The following SBF2 variants were observed in gnomAD, a reference collection of about 807,000 sequenced individuals.
The protein encoded by SBF2 is SET binding factor 2.
Under a neutral mutation model 225.2 loss-of-function variants are expected in SBF2, and 112 were observed. The observed-to-expected ratio is 0.50, with a 90% CI of 0.43 to 0.58. The LOEUF is 0.58. SBF2 is among the 20% of genes least tolerant of loss of function. The pLI, the probability that SBF2 is intolerant of heterozygous loss-of-function variation, is 0.00. For synonymous variants in SBF2, 763 were observed against 773.3 expected (o/e 0.99, Z 0.22); for missense variants, 1,996 against 2,206.2 (o/e 0.90, Z 1.91).
At chr11:10,054,895 GTTTTT>G (rs71904271) in intron 2 of SBF2, among the ~76,000 whole-genome samples, 1 of 149,884 alleles carries the variant, frequency 6.7e-6, no homozygotes, top group African/African-American at 2.5e-5. Context: ...TTGTTTGCAT[GTTTTT>G]TTTTTGTTTT....
intron 1 of SBF2, among the ~76,000 whole-genome samples, chr11:10,202,997 A>G (rs937487252): frequency 8.3e-5 from 12 of 144,896 alleles, no homozygotes; most frequent in Non-Finnish European, 1.8e-4. Context: ...TAATTGCCCC[A>G]GCTTACTTCT....
At chr11:10,212,572 CATT>C (rs1957975929) in intron 1 of SBF2, among the ~76,000 whole-genome samples, 1 of 152,182 alleles carries the variant, frequency 6.6e-6, no homozygotes, top group Non-Finnish European at 1.5e-5. Context: ...AGGTATTAGA[CATT>C]ATGGAGACCT....
At chr11:9,874,059 CA>C (rs11353618) in intron 17 of SBF2, among the ~76,000 whole-genome samples, 149,764 of 149,936 alleles carry the variant, frequency 1, 74,796 homozygotes, top group Middle Eastern at 1. Context: ...GACTTTGTCT[CA>C]AAAAAAAAAA....
chr11:10,218,490 C>A (rs1245168827), intron 1 of SBF2, among the ~76,000 whole-genome samples: 1 of 152,094 alleles, frequency 6.6e-6, no homozygotes, highest in East Asian at 1.9e-4. Context: ...CTCAACCAAT[C>A]ATGCCTTCCC....
chr11:9,890,624 G>A (rs530934206), intron 17 of SBF2, among the ~76,000 whole-genome samples: 1 of 152,200 alleles, frequency 6.6e-6, no homozygotes, highest in South Asian at 2.1e-4. Flanking sequence ...TTCCTCCCAG[G>A]GTAAACACAG....
chr11:9,982,168 T>C (rs1476126615), intron 13 of SBF2, among the ~76,000 whole-genome samples: 2 of 152,234 alleles, frequency 1.3e-5, no homozygotes, highest in African/African-American at 4.8e-5. Context: ...TTTGCTTTTT[T>C]TCTTTCAGCT....
intron 33 of SBF2, among the ~76,000 whole-genome samples, chr11:9,792,068 T>C (rs1022245394): frequency 6.6e-6 from 1 of 152,214 alleles, no homozygotes; most frequent in Non-Finnish European, 1.5e-5. Flanking sequence ...CAGTATGTAA[T>C]AATCAACATA....
At chr11:10,169,842 G>C (rs1313330066) in intron 2 of SBF2, among the ~76,000 whole-genome samples, 2 of 152,098 alleles carry the variant, frequency 1.3e-5, no homozygotes, top group Non-Finnish European at 2.9e-5. Flanking sequence ...GCCAGCATTT[G>C]TTGTTACCTG....
intron 6 of SBF2, among the ~76,000 whole-genome samples, chr11:10,027,615 C>T (rs767874522): frequency 1.3e-5 from 2 of 152,098 alleles, no homozygotes; most frequent in Non-Finnish European, 2.9e-5. Flanking sequence ...GTGGGACACT[C>T]ATAGGCAGGA....
At chr11:9,863,695 T>G (rs1222851368) in intron 17 of SBF2, among the ~76,000 whole-genome samples, 1 of 151,882 alleles carries the variant, frequency 6.6e-6, no homozygotes, top group East Asian at 1.9e-4. Context: ...GAAAAAATTG[T>G]ATCCAAAACC....
At chr11:10,251,008 A>G (rs1179336704) in intron 1 of SBF2, among the ~76,000 whole-genome samples, 1 of 152,168 alleles carries the variant, frequency 6.6e-6, no homozygotes, top group Admixed American at 6.5e-5. Context: ...TTATCTTCGA[A>G]TATTTTTTCC....
At chr11:10,099,450 A>C (rs543142878) in intron 2 of SBF2, among the ~76,000 whole-genome samples, 2 of 152,326 alleles carry the variant, frequency 1.3e-5, no homozygotes, top group East Asian at 3.9e-4. Context: ...CCTTACAAGA[A>C]ATGCTAAAGG....
intron 9 of SBF2, among the ~76,000 whole-genome samples, chr11:9,995,654 T>C (rs966575772): frequency 4.6e-5 from 7 of 151,656 alleles, no homozygotes; most frequent in South Asian, 2.1e-4. Flanking sequence ...CTTTTCTTTT[T>C]TTTTTTTTAT....
At chr11:9,812,258 C>T (rs1198585062) in intron 30 of SBF2, among the ~76,000 whole-genome samples, 1 of 152,024 alleles carries the variant, frequency 6.6e-6, no homozygotes, top group Non-Finnish European at 1.5e-5. Flanking sequence ...TCAAAGATTT[C>T]CATCTAAAAA....
chr11:9,993,409 C>A (rs1226302831), intron 10 of SBF2, among the ~76,000 whole-genome samples: 1 of 149,368 alleles, frequency 6.7e-6, no homozygotes, highest in African/African-American at 2.4e-5. Flanking sequence ...CCTGAGGTTC[C>A]TTATTGGCTA....
intron 2 of SBF2, among the ~76,000 whole-genome samples, chr11:10,192,311 C>T (rs1202098577): frequency 6.6e-6 from 1 of 152,144 alleles, no homozygotes; most frequent in Non-Finnish European, 1.5e-5. Context: ...GCCTACAGAA[C>T]CCTCAGCTTT....
chr11:10,139,964 T>A (rs766131021), intron 2 of SBF2, among the ~76,000 whole-genome samples: 4 of 152,166 alleles, frequency 2.6e-5, no homozygotes, highest in Non-Finnish European at 5.9e-5. Flanking sequence ...AATCCTTAGG[T>A]GTGGTTTCCA....
At chr11:9,958,822 G>A in intron 16 of SBF2, 1 of 578,326 alleles carries the variant, frequency 1.7e-6, no homozygotes, top group Non-Finnish European at 3.3e-6. Context: ...ATGGGTCACA[G>A]TCGGCAGAGA....
intron 34 of SBF2, among the ~76,000 whole-genome samples, chr11:9,789,657 G>A (rs1481474263): frequency 6.6e-6 from 1 of 152,102 alleles, no homozygotes; most frequent in Non-Finnish European, 1.5e-5. Flanking sequence ...CCAGCCCCCT[G>A]TCCTTGGCCT....
Sources: gnomAD v4.1 joint callset for allele counts (sites outside exome capture counted in the v4.1 genomes callset) on GRCh38, gnomAD v4.1.1 for gene constraint, MANE v1.5 for transcripts, NCBI Gene and HGNC (gene_info 2026-07-23, HGNC 2026-07-21) for gene names.